CTNNA3: variants seen among roughly 807,000 people sequenced by gnomAD.
The protein encoded by CTNNA3 is catenin alpha 3.
CTNNA3 carries 76 observed loss-of-function variants against 95.7 expected under a neutral mutation model. The observed-to-expected ratio is 0.79, with a 90% CI of 0.66 to 0.96. The LOEUF is 0.96. CTNNA3 is among the 40% of genes least tolerant of loss of function. CTNNA3 has a pLI of 0.00. For synonymous variants in CTNNA3, 431 were observed against 374.4 expected (o/e 1.15, Z -1.74); for missense variants, 1,191 against 1,089.8 (o/e 1.09, Z -1.31).
intron 3 of CTNNA3, among the ~76,000 whole-genome samples, chr10:67,547,668 T>C (rs1840886978): frequency 6.6e-6 from 1 of 152,166 alleles, no homozygotes; most frequent in Non-Finnish European, 1.5e-5. Flanking sequence ...AGGAAGTCAA[T>C]GTGGCCAACT....
intron 7 of CTNNA3, among the ~76,000 whole-genome samples, chr10:66,998,119 C>A (rs149088359): frequency 6.6e-6 from 1 of 152,290 alleles, no homozygotes; most frequent in East Asian, 1.9e-4. Flanking sequence ...ATGCCATTCC[C>A]CTACATAAAT....
intron 15 of CTNNA3, among the ~76,000 whole-genome samples, chr10:66,040,010 A>C (rs2079652090): frequency 6.6e-6 from 1 of 152,214 alleles, no homozygotes; most frequent in South Asian, 2.1e-4. Context: ...CAAGGAACTT[A>C]AGCAAATCTA....
intron 12 of CTNNA3, among the ~76,000 whole-genome samples, chr10:66,313,979 T>C (rs868405789): frequency 6.6e-6 from 1 of 152,216 alleles, no homozygotes; most frequent in African/African-American, 2.4e-5. Flanking sequence ...ATTTGAGACA[T>C]ACAAACTATC....
intron 10 of CTNNA3, among the ~76,000 whole-genome samples, chr10:66,591,187 G>A (rs989711999): frequency 6.6e-6 from 1 of 152,124 alleles, no homozygotes; most frequent in African/African-American, 2.4e-5. Context: ...AAAGAGAGCA[G>A]CCTCAGCAGG....
intron 7 of CTNNA3, among the ~76,000 whole-genome samples, chr10:66,918,704 G>A (rs1329600313): frequency 2.6e-5 from 4 of 152,184 alleles, no homozygotes; most frequent in South Asian, 2.1e-4. Flanking sequence ...ATCTTGATAC[G>A]AACAAACCTA....
chr10:67,399,922 AT>A (rs10718391), intron 5 of CTNNA3, among the ~76,000 whole-genome samples: 3,550 of 151,734 alleles, frequency 0.023, 94 homozygotes, highest in East Asian at 0.061. Context: ...TTTAATTACA[AT>A]TTTTTTTTAT....
intron 7 of CTNNA3, chr10:66,925,935 C>A (rs1437090596): frequency 2.3e-6 from 1 of 444,056 alleles, no homozygotes; most frequent in Non-Finnish European, 4.6e-6. Flanking sequence ...AGAGAGCCTG[C>A]TCATTTGCAA....
rs150186389 is a variant in CTNNA3 at position 67,517,902 on chromosome 10, T to A, written c.579+3940A>T. 8.7e-4 allele frequency among the ~76,000 whole-genome samples: 133 copies of A among 152,226 alleles called. 1 individual carries two copies. Among genetic ancestry groups the A allele is most frequent in the African/African-American group, 3.1e-3 (128 of 41,554 alleles). On this transcript the variant is annotated intron_variant, in intron 5 of 17. Transcript: ENST00000433211. ...AGAAGTATACAAAATAAAGAACATATCCATATCCTTATGGAACTTACAACC... is the reference window on the plus strand; with the variant it reads ...AGAAGTATACAAAATAAAGAACATAACCATATCCTTATGGAACTTACAACC...
intron 11 of CTNNA3, among the ~76,000 whole-genome samples, chr10:66,432,164 GA>G (rs1451753181): frequency 1.3e-5 from 2 of 151,972 alleles, no homozygotes; most frequent in Middle Eastern, 3.4e-3. Context: ...AAAAGGTTAA[GA>G]AAAATATAAT....
At chr10:66,706,434 T>C (rs762231819) in intron 9 of CTNNA3, among the ~76,000 whole-genome samples, 2 of 151,718 alleles carry the variant, frequency 1.3e-5, no homozygotes, top group Non-Finnish European at 2.9e-5. Flanking sequence ...TTTTAGCCCA[T>C]CTTCTGAATG....
At chr10:66,046,583 C>G (rs2079833619) in intron 15 of CTNNA3, among the ~76,000 whole-genome samples, 1 of 150,832 alleles carries the variant, frequency 6.6e-6, no homozygotes. Flanking sequence ...ACAGATAAAC[C>G]CCAAAGCTAG....
chr10:66,771,876 G>C (rs907061018), intron 8 of CTNNA3, among the ~76,000 whole-genome samples: 1 of 152,094 alleles, frequency 6.6e-6, no homozygotes, highest in African/African-American at 2.4e-5. Context: ...AATCATTGCT[G>C]TAATATGCAC....
chr10:66,185,899 T>C (rs564674332), intron 13 of CTNNA3, among the ~76,000 whole-genome samples: 2 of 151,928 alleles, frequency 1.3e-5, no homozygotes, highest in African/African-American at 4.8e-5. Flanking sequence ...TATATATGTA[T>C]ACACAAACAT....
intron 7 of CTNNA3, among the ~76,000 whole-genome samples, chr10:67,100,234 C>T (rs937151455): frequency 6.6e-5 from 10 of 151,582 alleles, no homozygotes; most frequent in Non-Finnish European, 1.3e-4. Context: ...CTAAAGTGAA[C>T]GACTATAAAT....
chr10:67,499,156 T>C (rs982563201), intron 5 of CTNNA3, among the ~76,000 whole-genome samples: 1 of 152,204 alleles, frequency 6.6e-6, no homozygotes, highest in Non-Finnish European at 1.5e-5. Flanking sequence ...CGGTGTTGAA[T>C]TTTGTTGAAG....
chr10:66,820,022 T>A (rs1250341426), intron 7 of CTNNA3, among the ~76,000 whole-genome samples: 2 of 151,370 alleles, frequency 1.3e-5, no homozygotes, highest in African/African-American at 4.9e-5. Flanking sequence ...ACACAAAAAC[T>A]TGTACATAAA....
intron 7 of CTNNA3, among the ~76,000 whole-genome samples, chr10:66,814,217 GGGGT>G (rs1825931766): frequency 1.3e-5 from 2 of 150,670 alleles, no homozygotes; most frequent in Non-Finnish European, 2.9e-5. Context: ...GAAAGCCTCT[GGGGT>G]GGGTGACATT....
At chr10:67,346,637 G>C (rs1221141228) in intron 5 of CTNNA3, 1 of 479,882 alleles carries the variant, frequency 2.1e-6, no homozygotes, top group East Asian at 5.8e-5. Flanking sequence ...TATGGAGAGA[G>C]AAACTTCTAG....
intron 7 of CTNNA3, among the ~76,000 whole-genome samples, chr10:66,872,838 T>G (rs1486443090): frequency 6.6e-6 from 1 of 151,992 alleles, no homozygotes; most frequent in Non-Finnish European, 1.5e-5. Context: ...CAGCCCATAC[T>G]CCCCTCCTTC....
Sources: gnomAD v4.1 joint callset for allele counts (sites outside exome capture counted in the v4.1 genomes callset) on GRCh38, gnomAD v4.1.1 for gene constraint, MANE v1.5 for transcripts, NCBI Gene and HGNC (gene_info 2026-07-23, HGNC 2026-07-21) for gene names.